NAV3: variants seen among roughly 807,000 people sequenced by gnomAD.
NAV3 encodes the protein neuron navigator 3.
Under a neutral mutation model 244.7 loss-of-function variants are expected in NAV3, and 87 were observed. The observed-to-expected ratio is 0.36, with a 90% CI of 0.30 to 0.42. The LOEUF is 0.42. Ranked by LOEUF, NAV3 falls within the 20% of genes least tolerant of loss-of-function variation. The pLI is 1.00. For synonymous variants in NAV3, 1,126 were observed against 1,042.2 expected, an observed-to-expected ratio of 1.08 and a Z score of -1.55; for missense variants, 2,663 against 2,893.3, an observed-to-expected ratio of 0.92 and a Z score of 1.83.
chr12:77,658,329 G>A (rs1302778229), intron 2 of NAV3, among the ~76,000 whole-genome samples: 1 of 151,054 alleles, frequency 6.6e-6, no homozygotes, highest in East Asian at 1.9e-4. Flanking sequence ...CAAACAGAGA[G>A]CCAAATCATG....
chr12:77,779,054 A>G lies in NAV3; in HGVS notation c.73-161265A>G, dbSNP rs150817766. On this transcript the variant is annotated intron_variant, in intron 2 of 8. Coordinates refer to the NAV3 transcript ENST00000550042. ...TTGCAAGCCTTGTGCGACTCTGTAA[A>G]TGTGAAAATAAATTATTGGCATCCA... Among the ~76,000 whole-genome samples the G allele has an allele frequency of 7.6e-4, 116 of 152,344 alleles. 1 individual carries two copies. The highest frequency in any genetic ancestry group is 2.7e-3 in the African/African-American group (113 of 41,578).
intron 2 of NAV3, among the ~76,000 whole-genome samples, chr12:77,818,048 G>A (rs540539189): frequency 2.6e-5 from 4 of 152,212 alleles, no homozygotes; most frequent in African/African-American, 4.8e-5. Context: ...ATAAATATAT[G>A]TATAAACTAG....
At chr12:77,778,494 C>G (rs879410306) in intron 2 of NAV3, among the ~76,000 whole-genome samples, 2 of 151,422 alleles carry the variant, frequency 1.3e-5, no homozygotes, top group Admixed American at 6.6e-5. Context: ...TGCCTGTATT[C>G]CCAGCTACTC....
intron 2 of NAV3, among the ~76,000 whole-genome samples, chr12:77,763,103 G>A (rs1413919798): frequency 1.3e-5 from 2 of 152,136 alleles, no homozygotes; most frequent in Non-Finnish European, 2.9e-5. Flanking sequence ...CATGGAATGG[G>A]ATGTCTGTAA....
At chr12:78,092,491 CTTTTTTTT>C (rs71088358) in intron 12 of NAV3, among the ~76,000 whole-genome samples, 102 of 64,032 alleles carry the variant, frequency 1.6e-3, no homozygotes, top group African/African-American at 5.8e-3. Context: ...TAGTTATTTT[CTTTTTTTT>C]TTTTTTTTTT....
At chr12:77,822,477 AT>A (rs1377097465) in intron 2 of NAV3, among the ~76,000 whole-genome samples, 1 of 152,030 alleles carries the variant, frequency 6.6e-6, no homozygotes, top group Non-Finnish European at 1.5e-5. Context: ...TTATGCATCC[AT>A]TTTTTTCTGA....
chr12:77,932,395 G>A (rs1888901097), intron 1 of NAV3, among the ~76,000 whole-genome samples: 1 of 152,112 alleles, frequency 6.6e-6, no homozygotes, highest in Non-Finnish European at 1.5e-5. Context: ...GGGAAAATCT[G>A]TTTGCATTAC....
At chr12:77,872,536 G>T (rs1592849788) in intron 1 of NAV3, among the ~76,000 whole-genome samples, 2 of 152,130 alleles carry the variant, frequency 1.3e-5, no homozygotes, top group Non-Finnish European at 2.9e-5. Context: ...TTATGCTTGG[G>T]GAAGTTCTGG....
At chr12:77,614,111 T>C (rs1871052466) in intron 2 of NAV3, among the ~76,000 whole-genome samples, 1 of 129,774 alleles carries the variant, frequency 7.7e-6, no homozygotes. Context: ...TAACACAGGG[T>C]CTCCCTCCTT....
intron 2 of NAV3, among the ~76,000 whole-genome samples, chr12:77,755,844 C>T (rs1203375910): frequency 6.6e-6 from 1 of 151,618 alleles, no homozygotes. Flanking sequence ...AGTGATCCTA[C>T]CACCTCAACC....
intron 24 of NAV3, among the ~76,000 whole-genome samples, chr12:78,174,921 CAATT>C (rs1423328057): frequency 1.3e-5 from 2 of 151,932 alleles, no homozygotes; most frequent in African/African-American, 4.8e-5. Context: ...TTAAAAAGCA[CAATT>C]AATTCTCATT....
At chr12:78,108,123 G>A (rs1954902050) in intron 12 of NAV3, among the ~76,000 whole-genome samples, 1 of 152,114 alleles carries the variant, frequency 6.6e-6, no homozygotes, top group African/African-American at 2.4e-5. Flanking sequence ...GATATTCCTT[G>A]CAAATGGAAA....
intron 2 of NAV3, among the ~76,000 whole-genome samples, chr12:77,825,804 A>G (rs1046387262): frequency 2.6e-5 from 4 of 152,186 alleles, no homozygotes; most frequent in African/African-American, 7.2e-5. Context: ...TAGGACCTAT[A>G]CCGAAATATA....
At chr12:78,042,704 G>A (rs990920273) in intron 9 of NAV3, among the ~76,000 whole-genome samples, 13 of 152,142 alleles carry the variant, frequency 8.5e-5, no homozygotes, top group Non-Finnish European at 1.2e-4. Context: ...CAGGGGAATC[G>A]CTTGAATTCC....
chr12:77,867,621 T>A (rs111864477), intron 1 of NAV3, among the ~76,000 whole-genome samples: 4,057 of 152,158 alleles, frequency 0.027, 86 homozygotes, highest in Admixed American at 0.058. Flanking sequence ...GGGGTTTCAC[T>A]GTGTTAGCCA....
intron 1 of NAV3, among the ~76,000 whole-genome samples, chr12:77,917,099 GT>G (rs1337870377): frequency 6.6e-6 from 1 of 151,888 alleles, no homozygotes; most frequent in Non-Finnish European, 1.5e-5. Flanking sequence ...ATATTATAAA[GT>G]TTATGTAACT....
chr12:78,010,147 A>T (rs1398468348), intron 8 of NAV3, among the ~76,000 whole-genome samples: 1 of 152,210 alleles, frequency 6.6e-6, no homozygotes, highest in East Asian at 1.9e-4. Context: ...AATGCAGAAC[A>T]ATTTTACAAA....
At chr12:77,670,746 G>C (rs1565764086) in intron 2 of NAV3, among the ~76,000 whole-genome samples, 1 of 152,076 alleles carries the variant, frequency 6.6e-6, no homozygotes, top group Non-Finnish European at 1.5e-5. Context: ...ATCCCATTAT[G>C]ATTAAAACCA....
chr12:77,791,412 T>A (rs1458500902), intron 2 of NAV3, among the ~76,000 whole-genome samples: 2 of 151,686 alleles, frequency 1.3e-5, no homozygotes, highest in Non-Finnish European at 2.9e-5. Flanking sequence ...CTTCACTCAA[T>A]CTTATGGATA....
Sources: allele counts gnomAD v4.1 joint callset (sites outside exome capture counted in the v4.1 genomes callset), GRCh38; gene constraint gnomAD v4.1.1; transcripts MANE v1.5; gene names NCBI Gene and HGNC (gene_info 2026-07-23, HGNC 2026-07-21).